Variants in GPHN observed in about 807,000 individuals in gnomAD.
The protein encoded by GPHN is gephyrin.
A neutral mutation model predicts 95.5 loss-of-function variants in GPHN; 17 were observed. The observed-to-expected ratio is 0.18, with a 90% CI of 0.12 to 0.27. The LOEUF (loss-of-function observed/expected upper bound fraction) is 0.27, where lower values mean the gene tolerates loss of function less well. Ranked by LOEUF, GPHN falls within the 10% of genes least tolerant of loss-of-function variation. The probability of loss-of-function intolerance (pLI) is 1.00; values close to 1 mark genes in which losing one functional copy is unlikely to be tolerated. For missense variants in GPHN, 660 were observed against 978.1 expected, an observed-to-expected ratio of 0.67 and a Z score of 4.34; for synonymous variants, 320 against 322.5, an observed-to-expected ratio of 0.99 and a Z score of 0.08.
intron 8 of GPHN, among the ~76,000 whole-genome samples, chr14:66,945,661 C>T (rs1430153874): frequency 3.3e-5 from 5 of 152,030 alleles, no homozygotes; most frequent in Non-Finnish European, 7.4e-5. Context: ...CAAAAGTGAG[C>T]AAAAGATTCG....
chr14:67,264,408 G>A, the GPHN span, among the ~76,000 whole-genome samples: 1 of 151,846 alleles, frequency 6.6e-6, no homozygotes, highest in African/African-American at 2.4e-5. Context: ...TGCCTTTGTT[G>A]CCTGTGCTTT....
intron 12 of GPHN, among the ~76,000 whole-genome samples, chr14:67,093,451 C>T (rs926607578): frequency 3.3e-5 from 5 of 151,990 alleles, no homozygotes; most frequent in South Asian, 2.1e-4. Flanking sequence ...AATCCTCTTT[C>T]GCTACAACTG....
chr14:67,508,607 G>A, the GPHN span, among the ~76,000 whole-genome samples: 2 of 151,716 alleles, frequency 1.3e-5, no homozygotes, highest in Admixed American at 1.3e-4. Flanking sequence ...AAGAGGCCAG[G>A]TGTAGTTCTG....
intron 17 of GPHN, among the ~76,000 whole-genome samples, chr14:67,130,690 A>C (rs1307242216): frequency 6.6e-6 from 1 of 152,092 alleles, no homozygotes; most frequent in African/African-American, 2.4e-5. Context: ...ACTGCTTTCC[A>C]CAGTGGCTGA....
the GPHN span, chr14:67,376,353 C>T: frequency 3.4e-5 from 44 of 1,288,838 alleles, no homozygotes; most frequent in South Asian, 3.1e-5. Context: ...ATTATTGTAG[C>T]CAAATTATGT....
intron 2 of GPHN, among the ~76,000 whole-genome samples, chr14:66,729,395 G>A (rs540113303): frequency 2.5e-3 from 377 of 152,208 alleles, no homozygotes; most frequent in African/African-American, 7.9e-3. Flanking sequence ...AATCATGAAC[G>A]AAGATCTAGT....
the GPHN span, chr14:67,270,611 G>C: frequency 6.7e-6 from 1 of 149,924 alleles, no homozygotes; most frequent in East Asian, 1.9e-4. Flanking sequence ...TTTAAAGAGA[G>C]GGAGAGTGCA....
At chr14:66,679,627 A>G (rs1345983110) in intron 1 of GPHN, among the ~76,000 whole-genome samples, 1 of 151,780 alleles carries the variant, frequency 6.6e-6, no homozygotes, top group African/African-American at 2.4e-5. Context: ...TGTTCATTTC[A>G]TTTCTTTCTT....
chr14:66,963,814 G>T (rs1378900100), intron 8 of GPHN, among the ~76,000 whole-genome samples: 1 of 152,092 alleles, frequency 6.6e-6, no homozygotes, highest in Non-Finnish European at 1.5e-5. Context: ...AATTAAGGAT[G>T]TTGGTATAGA....
intron 3 of GPHN, among the ~76,000 whole-genome samples, chr14:66,802,833 A>T (rs981512642): frequency 1.3e-5 from 2 of 152,076 alleles, no homozygotes; most frequent in Non-Finnish European, 2.9e-5. Flanking sequence ...CAGCTCCAAG[A>T]CAAAGTCGTC....
intron 18 of GPHN, among the ~76,000 whole-genome samples, chr14:67,153,921 A>C (rs2081432901): frequency 1.3e-5 from 2 of 152,204 alleles, no homozygotes; most frequent in Non-Finnish European, 2.9e-5. Flanking sequence ...GTCTGGTACA[A>C]GTTTTCTGTC....
chr14:67,507,629 C>T, the GPHN span, among the ~76,000 whole-genome samples: 2 of 152,104 alleles, frequency 1.3e-5, no homozygotes, highest in African/African-American at 2.4e-5. Context: ...TGTGTAAAGA[C>T]AAGGTCTCAC....
At chr14:67,383,689 G>T in the GPHN span, 1 of 418,348 alleles carries the variant, frequency 2.4e-6, no homozygotes, top group Non-Finnish European at 4.4e-6. Flanking sequence ...AAATCTTTAA[G>T]AATAGTTCTA....
chr14:66,631,299 G>A (rs746303562), intron 1 of GPHN, among the ~76,000 whole-genome samples: 1 of 151,964 alleles, frequency 6.6e-6, no homozygotes, highest in East Asian at 1.9e-4. Context: ...CACCCACCTC[G>A]GCCTCCCAAA....
At chr14:67,388,072 A>G in the GPHN span, 1 of 590,998 alleles carries the variant, frequency 1.7e-6, no homozygotes, top group Non-Finnish European at 3.1e-6. Context: ...CCTTTGTTCA[A>G]TTCTGAAATT....
intron 1 of GPHN, among the ~76,000 whole-genome samples, chr14:66,567,501 A>G (rs1286943077): frequency 6.6e-6 from 1 of 152,216 alleles, no homozygotes; most frequent in East Asian, 1.9e-4. Flanking sequence ...GTAAAGCCAT[A>G]GAGTACATTG....
chr14:67,259,880 G>GAAA, the GPHN span, among the ~76,000 whole-genome samples: 1 of 111,944 alleles, frequency 8.9e-6, no homozygotes, highest in African/African-American at 2.9e-5. Context: ...CTCCATCTAA[G>GAAA]AAAAAAAAAA....
the GPHN span, among the ~76,000 whole-genome samples, chr14:67,231,232 C>T: frequency 6.6e-6 from 1 of 152,142 alleles, no homozygotes; most frequent in East Asian, 1.9e-4. Context: ...TTTATAAAGA[C>T]AAATCAGATT....
At chr14:66,561,546 T>C (rs1433760131) in intron 1 of GPHN, among the ~76,000 whole-genome samples, 1 of 152,150 alleles carries the variant, frequency 6.6e-6, no homozygotes, top group Non-Finnish European at 1.5e-5. Context: ...ATAAGGAAAT[T>C]GGTGCCCAGA....
Sources: allele counts gnomAD v4.1 joint callset (sites outside exome capture counted in the v4.1 genomes callset), GRCh38; gene constraint gnomAD v4.1.1; transcripts MANE v1.5; gene names NCBI Gene and HGNC (gene_info 2026-07-23, HGNC 2026-07-21).